The following RAB27A variants were observed in gnomAD, a reference collection of about 807,000 sequenced individuals.
The protein encoded by RAB27A is RAB27A, member RAS oncogene family.
RAB27A carries 17 observed loss-of-function variants against 20.8 expected under a neutral mutation model. The ratio of observed to expected loss-of-function variants is 0.82; its 90% confidence interval spans 0.56 to 1.23. The LOEUF is 1.23. Ranked by LOEUF, RAB27A falls within the 50% of genes most tolerant of loss-of-function variation. The probability of loss-of-function intolerance (pLI) is 0.00; values close to 1 mark genes in which losing one functional copy is unlikely to be tolerated. For synonymous variants in RAB27A, 85 were observed against 92.8 expected (o/e 0.92, Z 0.48); for missense variants, 277 against 266.7 (o/e 1.04, Z -0.27).
intron 1 of RAB27A, among the ~76,000 whole-genome samples, chr15:55,282,285 G>C (rs559121267): frequency 1.6e-4 from 25 of 152,330 alleles, no homozygotes; most frequent in African/African-American, 5.1e-4. Context: ...GAAACCATCA[G>C]ACCAGGCTTC....
chr15:55,280,728 G>T (rs1897994793), intron 1 of RAB27A, among the ~76,000 whole-genome samples: 1 of 151,488 alleles, frequency 6.6e-6, no homozygotes, highest in Non-Finnish European at 1.5e-5. Flanking sequence ...TCATTGTTCA[G>T]TTCCCACCTA....
intron 2 of RAB27A, among the ~76,000 whole-genome samples, chr15:55,256,692 T>C (rs143090810): frequency 1.1e-3 from 164 of 152,258 alleles, no homozygotes; most frequent in African/African-American, 3.7e-3. Flanking sequence ...ATGTGACAAA[T>C]TGAGGAGAGC....
chr15:55,233,342 C>A (rs759000786), intron 3 of RAB27A, among the ~76,000 whole-genome samples: 10 of 151,464 alleles, frequency 6.6e-5, no homozygotes, highest in Non-Finnish European at 1.3e-4. Flanking sequence ...AATTGTAATC[C>A]CCAAGGGAAT....
At chr15:55,214,183 TC>T (rs2140926317) in intron 6 of RAB27A, among the ~76,000 whole-genome samples, 1 of 152,322 alleles carries the variant, frequency 6.6e-6, no homozygotes, top group African/African-American at 2.4e-5. Context: ...ATGCCTGTAA[TC>T]CCAGCACTTT....
intron 2 of RAB27A, among the ~76,000 whole-genome samples, chr15:55,295,046 T>C (rs1224426376): frequency 6.6e-6 from 1 of 152,142 alleles, no homozygotes; most frequent in Non-Finnish European, 1.5e-5. Flanking sequence ...TGAATATACA[T>C]TTCTCCAAAA....
chr15:55,261,930 G>A (rs553726123), intron 2 of RAB27A, among the ~76,000 whole-genome samples: 1 of 151,384 alleles, frequency 6.6e-6, no homozygotes, highest in East Asian at 1.9e-4. Flanking sequence ...CCAGCTACTC[G>A]GGAGGCTGAG....
At chr15:55,309,409 T>G (rs529518869) in intron 2 of RAB27A, among the ~76,000 whole-genome samples, 1 of 152,200 alleles carries the variant, frequency 6.6e-6, no homozygotes, top group Non-Finnish European at 1.5e-5. Flanking sequence ...TTAAGAGCGC[T>G]TGGGTGGCTT....
intron 2 of RAB27A, among the ~76,000 whole-genome samples, chr15:55,308,852 G>T (rs950071986): frequency 6.6e-6 from 1 of 152,156 alleles, no homozygotes; most frequent in Non-Finnish European, 1.5e-5. Context: ...TATTTAAACT[G>T]CTTCAGATAC....
chr15:55,256,693 T>C (rs1375331016), intron 2 of RAB27A, among the ~76,000 whole-genome samples: 2 of 152,132 alleles, frequency 1.3e-5, no homozygotes, highest in Non-Finnish European at 2.9e-5. Context: ...TGTGACAAAT[T>C]GAGGAGAGCA....
intron 1 of RAB27A, among the ~76,000 whole-genome samples, chr15:55,286,836 A>T (rs1037632959): frequency 5.9e-5 from 9 of 151,906 alleles, no homozygotes; most frequent in Admixed American, 2.6e-4. Context: ...TTTTGCAGTA[A>T]TCCAGGTGAC....
At chr15:55,291,660 A>C (rs558906451), upstream of RAB27A, among the ~76,000 whole-genome samples, 1 of 152,130 alleles carries the variant, frequency 6.6e-6, no homozygotes, top group Non-Finnish European at 1.5e-5. Context: ...GCACAGGGAA[A>C]GCCTGCCTTC....
chr15:55,282,722 T>C (rs1369153826), intron 1 of RAB27A, among the ~76,000 whole-genome samples: 1 of 152,038 alleles, frequency 6.6e-6, no homozygotes, highest in Admixed American at 6.6e-5. Flanking sequence ...TTCGCTCATG[T>C]GGAAGCACAC....
chr15:55,309,510 C>T (rs763128649), intron 2 of RAB27A, among the ~76,000 whole-genome samples: 3 of 152,200 alleles, frequency 2.0e-5, no homozygotes, highest in Non-Finnish European at 4.4e-5. Flanking sequence ...TGGCTTAAGT[C>T]TCGGGTTAAT....
Position 55,241,624 on chromosome 15 carries a change from ATG to A in RAB27A, c.-22-6670_-22-6669del, listed in dbSNP as rs1555395487. On this transcript the variant is annotated intron_variant, in intron 2 of 6. Coordinates refer to ENST00000336787, the MANE Select transcript of RAB27A (RefSeq NM_183235.3). ...TTTATATATATATATATATATATAT[ATG>A]TGTGTATATATATTTGTTTTTTTTT... Among the ~76,000 whole-genome samples the A allele has an allele frequency of 6.6e-4, 78 of 117,660 alleles. 3 individuals carry two copies. In the South Asian group the frequency reaches 0.011, roughly 17 times the overall value. 77.2% of individuals were successfully genotyped at this position (117,660 alleles called of 152,430 possible). A position where few individuals can be genotyped will look rare whatever the true frequency, so the allele number is the denominator to read the frequency against.
intron 2 of RAB27A, among the ~76,000 whole-genome samples, chr15:55,308,994 T>G (rs971496808): frequency 6.6e-6 from 1 of 152,182 alleles, no homozygotes; most frequent in Non-Finnish European, 1.5e-5. Flanking sequence ...CCTAGAGCTA[T>G]TCCTGGTTTT....
chr15:55,309,293 A>G (rs1006209499), intron 2 of RAB27A, among the ~76,000 whole-genome samples: 5 of 152,206 alleles, frequency 3.3e-5, no homozygotes, highest in Non-Finnish European at 5.9e-5. Context: ...TTCCTCACTG[A>G]GGGCCCTGGT....
rs142293808 is a variant in RAB27A at position 55,226,333 on chromosome 15, A to C, written c.343+2276T>G. On this transcript the variant is annotated intron_variant, in intron 5 of 6. Coordinates refer to ENST00000336787, the MANE Select transcript of RAB27A (RefSeq NM_183235.3). ...GTGGGGCTTACTTTAGACTTTTATCACCCTTCTCAAGAGGGCATGGAGAGA... is the reference window on the plus strand; with the variant it reads ...GTGGGGCTTACTTTAGACTTTTATCCCCCTTCTCAAGAGGGCATGGAGAGA... Among the ~76,000 whole-genome samples, 724 of 152,004 alleles carry C rather than the reference A, an allele frequency of 4.8e-3. 4 individuals are homozygous for C. The highest frequency in any genetic ancestry group is 8.8e-3 in the Non-Finnish European group (596 of 67,978).
intron 6 of RAB27A, among the ~76,000 whole-genome samples, chr15:55,209,384 C>T (rs1374035845): frequency 6.6e-6 from 1 of 152,150 alleles, no homozygotes; most frequent in Non-Finnish European, 1.5e-5. Flanking sequence ...TGAGTAAGAA[C>T]ATGCAACATT....
At chr15:55,210,438 A>C (rs1894970954) in intron 6 of RAB27A, among the ~76,000 whole-genome samples, 1 of 129,780 alleles carries the variant, frequency 7.7e-6, no homozygotes, top group Non-Finnish European at 1.6e-5. Context: ...GGGGGGGGGA[A>C]TTACTGCCTA....
Sources: allele counts gnomAD v4.1 joint callset (sites outside exome capture counted in the v4.1 genomes callset), GRCh38; gene constraint gnomAD v4.1.1; transcripts MANE v1.5; gene names NCBI Gene and HGNC (gene_info 2026-07-23, HGNC 2026-07-21).